Variants in SLF1 observed in about 807,000 individuals in gnomAD.
SLF1 encodes the protein SMC5-SMC6 complex localization factor protein 1.
A neutral mutation model predicts 123.0 loss-of-function variants in SLF1; 105 were observed. The observed-to-expected ratio is 0.85, with a 90% CI of 0.73 to 1.00. SLF1 has a LOEUF of 1.00. Among genes scored for constraint, SLF1 ranks in the 50% least tolerant of loss-of-function variants. SLF1 has a pLI of 0.00. For missense variants in SLF1, 1,239 were observed against 1,223.0 expected, an observed-to-expected ratio of 1.01 and a Z score of -0.20; for synonymous variants, 434 against 406.6, an observed-to-expected ratio of 1.07 and a Z score of -0.81.
Position 94,630,721 on chromosome 5 carries a change from A to G in SLF1, c.409A>G (p.Lys137Glu). The change falls in exon 4 of 21, where the codon AAG becomes GAG. Residue 137 changes from lysine (K) to glutamate (E), a missense_variant. Lys to Glu is a moderately conservative substitution (Grantham distance 56). Coordinates refer to ENST00000265140, the MANE Select transcript of SLF1 (RefSeq NM_032290.4). Reference protein sequence around the residue: ...WKVVLLVRTDKRSDSLIRVLE... With the variant: ...WKVVLLVRTDERSDSLIRVLE... ...AGTTGTCCTCCTTGTTAGAACTGAT[A>G]AGCGAAGTGATTCTCTTATAAGGTA... is the stretch of plus-strand genomic sequence containing the variant. 6.4e-7 allele frequency: 1 copy of G among 1,551,504 alleles called. No homozygotes were observed. The highest frequency in any genetic ancestry group is 8.7e-7 in the Non-Finnish European group (1 of 1,146,856).
intron 18 of SLF1, among the ~76,000 whole-genome samples, chr5:94,690,901 AT>A (rs34685126): frequency 0.019 from 2,642 of 138,506 alleles, 45 homozygotes; most frequent in African/African-American, 0.054. Flanking sequence ...GGTACTAGGG[AT>A]TTTTTTTTTT....
At chr5:94,665,434 C>T (rs1293591080) in intron 11 of SLF1, among the ~76,000 whole-genome samples, 1 of 151,974 alleles carries the variant, frequency 6.6e-6, no homozygotes, top group Non-Finnish European at 1.5e-5. Flanking sequence ...TTTGTCTAAA[C>T]ACGTATATTT....
chr5:94,677,356 A>T (rs927405848), intron 14 of SLF1, among the ~76,000 whole-genome samples: 5 of 152,210 alleles, frequency 3.3e-5, no homozygotes, highest in Non-Finnish European at 7.3e-5. Flanking sequence ...ACAGTTGGGT[A>T]AAAGGCATGT....
At chr5:94,651,391 T>C (rs181346647) in intron 6 of SLF1, among the ~76,000 whole-genome samples, 257 of 152,316 alleles carry the variant, frequency 1.7e-3, no homozygotes, top group Non-Finnish European at 3.0e-3. Flanking sequence ...AGTAGAAATA[T>C]CCTTTTTTAA....
intron 11 of SLF1, among the ~76,000 whole-genome samples, chr5:94,664,154 G>T (rs1749471719): frequency 6.6e-6 from 1 of 152,070 alleles, no homozygotes; most frequent in Non-Finnish European, 1.5e-5. Context: ...GGGGAAAAAG[G>T]TTATCTAATT....
Position 94,652,852 on chromosome 5 carries a change from CTTTATT to C in SLF1, c.883-412_883-407del, listed in dbSNP as rs1468614660. Among the ~76,000 whole-genome samples, 8 of 152,042 alleles carry C rather than the reference CTTTATT, an allele frequency of 5.3e-5. No homozygotes were observed. In the South Asian group the frequency reaches 1.7e-3, roughly 32 times the overall value. On this transcript the variant is annotated intron_variant, in intron 7 of 20. Transcript: ENST00000265140. Reference sequence around the variant, plus strand: ...ATGAGATTTTCTGTTGTACGTACTTCTTTATTTTTATTTCTATTTTTTGAGATGGAG... The same window carrying C: ...ATGAGATTTTCTGTTGTACGTACTTCTTTATTTCTATTTTTTGAGATGGAG...
chr5:94,677,534 A>G (rs560064463), intron 14 of SLF1, among the ~76,000 whole-genome samples: 44 of 152,186 alleles, frequency 2.9e-4, no homozygotes, highest in Non-Finnish European at 5.3e-4. Context: ...TATGGGATTA[A>G]TTAGAAAGAA....
chr5:94,618,952 T>G (rs1323040609), intron 1 of SLF1, among the ~76,000 whole-genome samples, 187 bp downstream of exon 1: 7 of 152,258 alleles, frequency 4.6e-5, no homozygotes, highest in Admixed American at 6.5e-5. Context: ...TCTCCCGACT[T>G]CGCGCTCGGC....
chr5:94,648,909 G>T lies in SLF1; in HGVS notation c.595-545G>T, dbSNP rs192762954. Among the ~76,000 whole-genome samples the T allele has an allele frequency of 3.3e-5, 5 of 152,342 alleles. No individual in the cohort carries two copies. In the East Asian group the frequency reaches 9.6e-4, roughly 29 times the overall value. ...ATGAATTTTAAAATAATTATTGGAAGTTGATTTATGAATGCAGTTTGGGTT... is the reference window on the plus strand; with the variant it reads ...ATGAATTTTAAAATAATTATTGGAATTTGATTTATGAATGCAGTTTGGGTT... On this transcript the variant is annotated intron_variant, in intron 5 of 20. Coordinates refer to ENST00000265140, the MANE Select transcript of SLF1 (RefSeq NM_032290.4).
chr5:94,651,253 G>A (rs1276923128), intron 6 of SLF1, among the ~76,000 whole-genome samples: 1 of 152,162 alleles, frequency 6.6e-6, no homozygotes, highest in Non-Finnish European at 1.5e-5. Flanking sequence ...AGACTCTGAT[G>A]TTCGCACAAT....
At chr5:94,647,842 G>A (rs1214767865) in intron 5 of SLF1, among the ~76,000 whole-genome samples, 1 of 152,168 alleles carries the variant, frequency 6.6e-6, no homozygotes, top group African/African-American at 2.4e-5. Context: ...TATACCTTCT[G>A]TATCAGGTTG....
At chr5:94,691,763 T>C (rs1753073832) in intron 19 of SLF1, 107 bp downstream of exon 19, 3 of 870,494 alleles carry the variant, frequency 3.4e-6, no homozygotes, top group Non-Finnish European at 4.9e-6. Context: ...ACCTAAGGTA[T>C]CTTAAAAGTA....
At chr5:94,622,319 A>G (rs988743169) in intron 1 of SLF1, among the ~76,000 whole-genome samples, 2 of 152,224 alleles carry the variant, frequency 1.3e-5, no homozygotes, top group African/African-American at 2.4e-5. Context: ...GGAGTTTCAA[A>G]TAATTTTCCT....
chr5:94,654,763 G>A lies in SLF1; in HGVS notation c.1155+11G>A. On this transcript the variant is annotated intron_variant, in intron 9 of 20. Coordinates refer to ENST00000265140, the MANE Select transcript of SLF1 (RefSeq NM_032290.4). ...ATATATAGAGCTCAGGTAAAACTTG[G>A]CACATGAAAAATTTTGTATAATATC... 1.3e-6 allele frequency: 2 copies of A among 1,481,714 alleles called. No individual in the cohort carries two copies. The highest frequency in any genetic ancestry group is 1.8e-6 in the Non-Finnish European group (2 of 1,116,702). 91.8% of individuals were successfully genotyped at this position (1,481,714 alleles called of 1,614,324 possible).
In SLF1 at chr5:94,662,371, A is replaced by G; in HGVS notation, c.1209+20A>G. 1.3e-6 allele frequency: 2 copies of G among 1,527,686 alleles called. No individual in the cohort carries two copies. The highest frequency in any genetic ancestry group is 2.5e-5 in the South Asian group (2 of 79,576). 94.6% of individuals were successfully genotyped at this position (1,527,686 alleles called of 1,614,324 possible). ...GTAGAGGTAAGGGGCTTGGAGCAGC[A>G]TTGGTGATGGGGGCAAAGAAGAAGT... On this transcript the variant is annotated intron_variant, in intron 10 of 20. Transcript: ENST00000265140.
chr5:94,686,897 C>T (rs776802853), intron 16 of SLF1, among the ~76,000 whole-genome samples, 179 bp downstream of exon 16: 2 of 152,216 alleles, frequency 1.3e-5, no homozygotes, highest in Non-Finnish European at 2.9e-5. Flanking sequence ...ATGGCATTCT[C>T]CTGCCTCAGC....
intron 12 of SLF1, among the ~76,000 whole-genome samples, chr5:94,666,585 T>C (rs1272396812): frequency 6.6e-6 from 1 of 152,216 alleles, no homozygotes; most frequent in African/African-American, 2.4e-5. Context: ...CAGAAAATGT[T>C]TTCCCCTTGC....
Position 94,688,565 on chromosome 5 carries a change from G to T in SLF1, c.2181G>T (p.Gln727His), listed in dbSNP as rs772611754. ...KTGVLGSGKI[Q>H]VSKKIGQRPC... is the part of the protein sequence containing the mutation. ...GTGTGCTTGGGTCTGGAAAGATTCA[G>T]GTGTCAAAGAAAATAGGACAGCGGC... The change falls in exon 17 of 21, where the codon CAG (glutamine) becomes CAT (histidine). Residue 727 changes from glutamine (Q) to histidine (H), a missense_variant. By Grantham distance (24) the Gln-to-His change is conservative. Coordinates refer to ENST00000265140, the MANE Select transcript of SLF1 (RefSeq NM_032290.4). The T allele has an allele frequency of 5.0e-6, 8 of 1,614,062 alleles. No homozygotes were observed. The highest frequency in any genetic ancestry group is 6.8e-6 in the Non-Finnish European group (8 of 1,179,972).
At chr5:94,628,298 C>T (rs1418850964) in intron 1 of SLF1, among the ~76,000 whole-genome samples, 1 of 151,954 alleles carries the variant, frequency 6.6e-6, no homozygotes, top group Non-Finnish European at 1.5e-5. Context: ...GCCACCACAC[C>T]TGGCTAATTT....
Sources: gnomAD v4.1 joint callset for allele counts (sites outside exome capture counted in the v4.1 genomes callset) on GRCh38, gnomAD v4.1.1 for gene constraint, MANE v1.5 for transcripts, NCBI Gene and HGNC (gene_info 2026-07-23, HGNC 2026-07-21) for gene names.